Variants in NOC2L observed in about 807,000 individuals in gnomAD.
NOC2L encodes NOC2 like nucleolar associated transcriptional repressor.
NOC2L carries 101 observed loss-of-function variants against 94.2 expected under a neutral mutation model. The observed-to-expected ratio is 1.07, with a 90% CI of 0.91 to 1.26. The LOEUF (loss-of-function observed/expected upper bound fraction) is 1.26. Among genes scored for constraint, NOC2L ranks in the 50% most tolerant of loss-of-function variants. The probability of loss-of-function intolerance (pLI) is 0.00; values close to 1 mark genes in which losing one functional copy is unlikely to be tolerated. For synonymous variants in NOC2L, 531 were observed against 413.4 expected (o/e 1.28, Z -3.45); for missense variants, 1,076 against 980.1 (o/e 1.10, Z -1.31).
intron 14 of NOC2L, 139 bp downstream of exon 14, chr1:947,992 C>T (rs1414862714): frequency 1.0e-5 from 7 of 683,266 alleles, no homozygotes; most frequent in African/African-American, 5.3e-5. Flanking sequence ...GGGGGCCTCA[C>T]GGGGCGCGTT....
intron 2 of NOC2L, 135 bp from the exon 3 acceptor site, chr1:957,408 G>A (rs912738684): frequency 3.8e-6 from 3 of 788,464 alleles, no homozygotes; most frequent in South Asian, 1.7e-5. Flanking sequence ...TACGTTTTTG[G>A]CAGACTCACG....
chr1:945,273 A>G, intron 17 of NOC2L, 127 bp from the exon 18 acceptor site: 1 of 1,268,028 alleles, frequency 7.9e-7, no homozygotes, highest in Non-Finnish European at 1.1e-6. Flanking sequence ...GCAGGTGGAG[A>G]GGAGCCCTGG....
At chr1:948,731 T>C (rs1458698747) in intron 12 of NOC2L, 128 bp from the exon 13 acceptor site, 3 of 28,544 alleles carry the variant, frequency 1.1e-4, no homozygotes, top group Admixed American at 1.4e-3. Flanking sequence ...ACCCTGGTCC[T>C]CAGGCTTCAG....
chr1:947,981 A>AG (rs1642162371), intron 14 of NOC2L, 150 bp downstream of exon 14: 1 of 659,066 alleles, frequency 1.5e-6, no homozygotes, highest in Middle Eastern at 4.2e-4. Context: ...AGCCCCTCCA[A>AG]GGGGGCCTCA....
intron 9 of NOC2L, 97 bp from the exon 10 acceptor site, chr1:952,697 G>A: frequency 8.1e-7 from 1 of 1,242,084 alleles, no homozygotes; most frequent in East Asian, 2.3e-5. Flanking sequence ...CTTTCCCTCA[G>A]AGCTGGGCCT....
At chr1:954,691 C>T (rs1642354268) in intron 6 of NOC2L, among the ~76,000 whole-genome samples, 1 of 152,120 alleles carries the variant, frequency 6.6e-6, no homozygotes, top group Non-Finnish European at 1.5e-5. Context: ...AAATATTATC[C>T]AGGCCTGGTG....
At chr1:953,943 C>CA (rs1255250643) in intron 7 of NOC2L, 51 bp from the exon 8 acceptor site, 3 of 1,604,058 alleles carry the variant, frequency 1.9e-6, no homozygotes, top group Admixed American at 3.4e-5. Flanking sequence ...TTCTGGGATA[C>CA]AAAAAAGGAC....
At chr1:954,199 C>CGGGGG in intron 6 of NOC2L, 117 bp from the exon 7 acceptor site, 5 of 902,194 alleles carry the variant, frequency 5.5e-6, no homozygotes, top group Non-Finnish European at 8.4e-6. Flanking sequence ...AGAGACCCCC[C>CGGGGG]GTCTCTCCAC....
intron 8 of NOC2L, 73 bp downstream of exon 8, chr1:953,709 T>C (rs904917297): frequency 1.8e-6 from 2 of 1,104,486 alleles, no homozygotes; most frequent in African/African-American, 3.1e-5. Context: ...TGGCCAGGAG[T>C]GGGATGTGGT....
Position 956,102 on chromosome 1 carries a change from G to A in NOC2L, c.600C>T (p.Asp200=), listed in dbSNP as rs1424195049. The A allele has an allele frequency of 1.2e-6, 2 of 1,614,076 alleles. No individual in the cohort carries two copies. Among genetic ancestry groups the A allele is most frequent in the South Asian group, 2.2e-5 (2 of 91,080 alleles). Residue 200 remains aspartate (D), a synonymous_variant, in exon 5 of 19, where the codon GAC becomes GAT. Transcript: ENST00000327044. ...GGCTCCCCCCAAGCTCACCAGCACT[G>A]TCCGTGACCTGGAATTTGTTGGCCT... ...SAEANKFQVT[D]SAAFNALVTF... is the part of the protein sequence containing the mutation.
intron 11 of NOC2L, 130 bp downstream of exon 11, chr1:951,870 C>T: frequency 3.8e-6 from 4 of 1,060,864 alleles, no homozygotes; most frequent in Non-Finnish European, 5.4e-6. Context: ...GACCCCAGCC[C>T]TTCCTCAGGG....
intron 10 of NOC2L, 69 bp from the exon 11 acceptor site, chr1:952,208 G>T: frequency 6.4e-7 from 1 of 1,568,086 alleles, no homozygotes; most frequent in Non-Finnish European, 8.7e-7. Context: ...TTCCTCCTGG[G>T]CCGGCACAGG....
In NOC2L at chr1:953,850, G is replaced by A. The variant is rs1380130307; in HGVS notation, c.820C>T (p.Leu274=). 1 of 1,613,118 alleles carries A rather than the reference G, an allele frequency of 6.2e-7. No homozygotes were observed. The highest frequency in any genetic ancestry group is 1.1e-5 in the South Asian group (1 of 91,086). Residue 274 remains leucine, a synonymous_variant, in exon 8 of 19, where the codon CTG becomes TTG. Coordinates refer to ENST00000327044, the MANE Select transcript of NOC2L (RefSeq NM_015658.4). ...LSETTVLAAV[L]RHISVLVPCF... is the part of the protein sequence containing the mutation. ...GGCACCAGCACGCTGATGTGCCGCA[G>A]CACGGCCGCCAACACCGTCGTCTCC...
chr1:956,502 C>T (rs1642407544), intron 4 of NOC2L, among the ~76,000 whole-genome samples: 1 of 152,058 alleles, frequency 6.6e-6, no homozygotes, highest in African/African-American at 2.4e-5. Context: ...GTATCCTTGT[C>T]CCTGGAAAAA....
chr1:951,015 GCGGCC>G, intron 12 of NOC2L, 107 bp downstream of exon 12: 1 of 798,928 alleles, frequency 1.3e-6, no homozygotes, highest in Non-Finnish European at 2.1e-6. Context: ...TGACAAGGAG[GCGGCC>G]AGGGCTCCGG....
chr1:955,613 A>C (rs1160771463), intron 6 of NOC2L, among the ~76,000 whole-genome samples: 1 of 152,248 alleles, frequency 6.6e-6, no homozygotes, highest in East Asian at 1.9e-4. Flanking sequence ...GTTCTTACAA[A>C]GGGAAATAGA....
At chr1:947,656 T>G (rs937024112) in intron 14 of NOC2L, among the ~76,000 whole-genome samples, 4 of 152,176 alleles carry the variant, frequency 2.6e-5, no homozygotes, top group Non-Finnish European at 4.4e-5. Context: ...CTGCCTAAGA[T>G]GAGGCTGACG....
At chr1:945,765 GTCCCCTC>G in intron 16 of NOC2L, 112 bp from the exon 17 acceptor site, 1 of 1,324,772 alleles carries the variant, frequency 7.5e-7, no homozygotes, top group Non-Finnish European at 1.1e-6. Flanking sequence ...CCAATTTCTA[GTCCCCTC>G]TGTTCCCAAA....
rs377172421 is a variant in NOC2L, at chr1:952,605, G to T, written c.1003-5C>A. 6.2e-7 allele frequency: 1 copy of T among 1,613,344 alleles called. No homozygotes were observed. The highest frequency in any genetic ancestry group is 1.3e-5 in the African/African-American group (1 of 74,922). On this transcript the variant is annotated splice_region_variant and splice_polypyrimidine_tract_variant and intron_variant, in intron 9 of 18. Transcript: ENST00000327044. ...CACATACGTGATGTACATTTGCTGC[G>T]GAGAGACCCGGGTCAGAGCCACCTG...
Sources: allele counts gnomAD v4.1 joint callset (sites outside exome capture counted in the v4.1 genomes callset), GRCh38; gene constraint gnomAD v4.1.1; transcripts MANE v1.5; gene names NCBI Gene and HGNC (gene_info 2026-07-23, HGNC 2026-07-21).